MCFD2: variants seen among roughly 807,000 people sequenced by gnomAD.
The protein encoded by MCFD2 is multiple coagulation factor deficiency 2, ER cargo receptor complex subunit, also known as multiple coagulation factor deficiency protein 2.
Under a neutral mutation model 12.8 loss-of-function variants are expected in MCFD2, and 11 were observed. The ratio of observed to expected loss-of-function variants is 0.86; its 90% CI spans 0.54 to 1.42. The LOEUF is 1.42. Among genes scored for constraint, MCFD2 ranks in the 40% most tolerant of loss-of-function variants. The probability of loss-of-function intolerance (pLI) is 0.00; values close to 1 mark genes in which losing one functional copy is unlikely to be tolerated. For missense variants in MCFD2, 191 were observed against 178.6 expected, an observed-to-expected ratio of 1.07 and a Z score of -0.40; for synonymous variants, 70 against 68.1, an observed-to-expected ratio of 1.03 and a Z score of -0.14.
chr2:46,909,269 T>G, intron 1 of MCFD2, 92 bp from the exon 2 acceptor site: 1 of 1,417,416 alleles, frequency 7.1e-7, no homozygotes, highest in South Asian at 1.2e-5. Flanking sequence ...GGAAACCTGA[T>G]GAAGCAGTAA....
Position 46,905,457 on chromosome 2 carries a change from T to A in MCFD2, c.*6A>T. 1 of 1,612,186 alleles carries A rather than the reference T, an allele frequency of 6.2e-7. No homozygotes were observed. Among genetic ancestry groups the A allele is most frequent in the South Asian group, 1.1e-5 (1 of 91,000 alleles). On this transcript the variant is annotated 3_prime_UTR_variant, in exon 4 of 4. Transcript: ENST00000319466. ...TGTATATAACCAGGAGATGGCCAAA[T>A]AACATCTACTGCAGTGATTTTGCAA...
intron 1 of MCFD2, among the ~76,000 whole-genome samples, chr2:46,921,390 A>T (rs140450167): frequency 2.0e-3 from 300 of 152,338 alleles, no homozygotes; most frequent in African/African-American, 6.7e-3. Context: ...AATGCTTAAA[A>T]TACCATTATA....
At position 46,903,027 on chromosome 2, in the gene MCFD2, C is replaced by CA. The variant is rs1668074161; in HGVS notation, c.*2435dup. ...CTGATATGGTTTGGTTGTGTCCCCCCACAAATCTCAACTTGAATTGTATCT... is the reference window on the plus strand; with the variant it reads ...CTGATATGGTTTGGTTGTGTCCCCCCAACAAATCTCAACTTGAATTGTATCT... On this transcript the variant is annotated 3_prime_UTR_variant, in exon 4 of 4. Coordinates refer to ENST00000319466, the MANE Select transcript of MCFD2 (RefSeq NM_139279.6). 6.6e-6 allele frequency: 1 copy of CA among 152,220 alleles called. No homozygotes were observed. Among genetic ancestry groups the CA allele is most frequent in the Non-Finnish European group, 1.5e-5 (1 of 68,042 alleles). 9.4% of individuals were successfully genotyped at this position (152,220 alleles called of 1,614,324 possible).
intron 3 of MCFD2, among the ~76,000 whole-genome samples, chr2:46,906,475 ATTTTTTTTT>A (rs70940646): frequency 5.5e-5 from 5 of 91,702 alleles, no homozygotes; most frequent in South Asian, 9.4e-4. Context: ...AGGCACGAGG[ATTTTTTTTT>A]TTTTTTTTTT....
chr2:46,907,604 C>G lies in MCFD2; in HGVS notation c.309+206G>C. The G allele has an allele frequency of 1.6e-6, 1 of 612,146 alleles. No individual in the cohort carries two copies. The highest frequency in any genetic ancestry group is 2.9e-6 in the Non-Finnish European group (1 of 342,306). 37.9% of individuals were successfully genotyped at this position (612,146 alleles called of 1,614,324 possible). A position where few individuals can be genotyped will look rare whatever the true frequency, so the allele number is the denominator to read the frequency against. ...GTAGAGACAGGGTCTCACTATATTG[C>G]CAAGGCTGGTCTTGAACTCCTGGCT... is the stretch of plus-strand genomic sequence containing the variant. On this transcript the variant is annotated intron_variant, in intron 3 of 3. Transcript: ENST00000319466. The surrounding 1 kb of genome is among the most constrained non-coding windows in gnomAD (Gnocchi z 4.1).
intron 1 of MCFD2, among the ~76,000 whole-genome samples, chr2:46,930,896 G>C (rs1669667033): frequency 6.6e-6 from 1 of 151,910 alleles, no homozygotes. Context: ...GAACTCTTTG[G>C]AGAAAAGAAA....
In MCFD2 at chr2:46,905,288, T is replaced by G; in HGVS notation, c.*175A>C. On this transcript the variant is annotated 3_prime_UTR_variant, in exon 4 of 4. Transcript: ENST00000319466. ...ACTTAGGGACTATTAGATGTCCCAT[T>G]TCTCTTCTCTTTCATTTCTCTTATC... is the stretch of plus-strand genomic sequence containing the variant. 1.4e-6 allele frequency: 1 copy of G among 697,988 alleles called. No individual in the cohort carries two copies. The highest frequency in any genetic ancestry group is 2.8e-5 in the East Asian group (1 of 35,816). The allele number at this position is 697,988 out of a possible 1,614,324, so 43.2% of individuals were successfully genotyped here.
At position 46,908,083 on chromosome 2, in the gene MCFD2, C is replaced by T. The variant is rs1668322121; in HGVS notation, c.150-114G>A. The T allele has an allele frequency of 1.3e-5, 15 of 1,152,714 alleles. No homozygotes were observed. The highest frequency in any genetic ancestry group is 1.8e-5 in the Non-Finnish European group (14 of 790,758). 71.4% of individuals were successfully genotyped at this position (1,152,714 alleles called of 1,614,324 possible). On this transcript the variant is annotated intron_variant, in intron 2 of 3. Coordinates refer to ENST00000319466, the MANE Select transcript of MCFD2 (RefSeq NM_139279.6). This position sits in a 1 kb window ranked among gnomAD's most constrained non-coding sequence, Gnocchi z 4.5. Reference sequence around the variant, plus strand: ...ACTTCCTCCAGCTCAGAAAAACAAACACCAGCAGTGGCAGACCACACTCAA... The same window carrying T: ...ACTTCCTCCAGCTCAGAAAAACAAATACCAGCAGTGGCAGACCACACTCAA...
At chr2:46,938,458 C>G (rs763733817) in intron 1 of MCFD2, among the ~76,000 whole-genome samples, 2 of 152,128 alleles carry the variant, frequency 1.3e-5, no homozygotes, top group Non-Finnish European at 2.9e-5. Flanking sequence ...AGGGGGTATT[C>G]TCTTCTACTT....
intron 1 of MCFD2, 28 bp from the exon 2 acceptor site, chr2:46,909,205 A>G: frequency 1.2e-6 from 2 of 1,605,330 alleles, no homozygotes; most frequent in Non-Finnish European, 1.7e-6. Context: ...CAGAAGAGGA[A>G]GGCAGAGCAT....
At chr2:46,906,212 T>C (rs886710741) in intron 3 of MCFD2, among the ~76,000 whole-genome samples, 12 of 152,182 alleles carry the variant, frequency 7.9e-5, no homozygotes, top group African/African-American at 2.2e-4. Context: ...TATCCTCATC[T>C]GCCAGGACTG....
In MCFD2 at chr2:46,940,555, G is replaced by A. The variant is rs758675683; in HGVS notation, c.-8+1017C>T. 3.3e-5 allele frequency among the ~76,000 whole-genome samples: 5 copies of A among 152,252 alleles called. No homozygotes were observed. Among genetic ancestry groups the A allele is most frequent in the African/African-American group, 4.8e-5 (2 of 41,468 alleles). On this transcript the variant is annotated intron_variant, in intron 1 of 2. Coordinates refer to the MCFD2 transcript ENST00000409147. The surrounding 1 kb of genome is among the most constrained non-coding windows in gnomAD (Gnocchi z 4.7). ...GAGCTTTGATCACAGTCTTAGACCA[G>A]CATGAAGAAATAAATAAATACCAAG... is the stretch of plus-strand genomic sequence containing the variant.
At position 46,928,854 on chromosome 2, in the gene MCFD2, C is replaced by G. The variant is rs1016403592; in HGVS notation, c.-8+12718G>C. ...TACACCAGAGGGGTAGGGGGGGAAG[C>G]TTTAAAAGCCACATTTATTTTGAAA... On this transcript the variant is annotated intron_variant, in intron 1 of 2. Coordinates refer to the MCFD2 transcript ENST00000409147. 2.0e-5 allele frequency among the ~76,000 whole-genome samples: 3 copies of G among 152,180 alleles called. No homozygotes were observed. The South Asian group carries it at 6.2e-4, about 32-fold the overall frequency.
At chr2:46,939,547 C>T (rs536655073) in intron 1 of MCFD2, among the ~76,000 whole-genome samples, 1 of 152,226 alleles carries the variant, frequency 6.6e-6, no homozygotes, top group Non-Finnish European at 1.5e-5. Flanking sequence ...GTGATTCCCT[C>T]TACAGTTAGT....
At chr2:46,938,973 T>C (rs1670115260) in intron 1 of MCFD2, among the ~76,000 whole-genome samples, 2 of 147,128 alleles carry the variant, frequency 1.4e-5, no homozygotes, top group African/African-American at 5.1e-5. Context: ...ATCGTGCCAC[T>C]GCATTCCAGC....
At chr2:46,925,764 T>C (rs1188484221) in intron 1 of MCFD2, among the ~76,000 whole-genome samples, 1 of 152,184 alleles carries the variant, frequency 6.6e-6, no homozygotes, top group East Asian at 1.9e-4. Flanking sequence ...AAAGACCATG[T>C]TAACCCCCGT....
intron 1 of MCFD2, 99 bp from the exon 2 acceptor site, chr2:46,909,276 G>A: frequency 7.3e-7 from 1 of 1,376,626 alleles, no homozygotes; most frequent in Middle Eastern, 1.8e-4. Flanking sequence ...TGATGAAGCA[G>A]TAAGGTTAGG....
Position 46,905,501 on chromosome 2 carries a change from A to G in MCFD2, c.403T>C (p.Tyr135His). The change falls in exon 4 of 4, where the codon TAC becomes CAC. Residue 135 changes from tyrosine to histidine, a missense_variant. Transcript: ENST00000319466. ...TTTGCAAATTCAGCATAGTCAATGT[A>G]TCCATCATTGTTCTTGTCATCATCT... ...LRDDDKNNDG[Y>H]IDYAEFAKSL... is the part of the protein sequence containing the mutation. 1.2e-6 allele frequency: 2 copies of G among 1,613,226 alleles called. No individual in the cohort carries two copies. The highest frequency in any genetic ancestry group is 1.7e-6 in the Non-Finnish European group (2 of 1,179,860).
rs1247610744 is a variant in MCFD2 at position 46,903,794 on chromosome 2, A to G, written c.*1669T>C. 1 of 152,220 alleles carries G rather than the reference A, an allele frequency of 6.6e-6. No homozygotes were observed. The highest frequency in any genetic ancestry group is 1.5e-5 in the Non-Finnish European group (1 of 68,032). The allele number at this position is 152,220 out of a possible 1,614,324, so 9.4% of individuals were successfully genotyped here. ...GCATTCCCTTATAAATAAGGGAAGC[A>G]AAGCATAAAAGTTTGGAAATTTGCA... On this transcript the variant is annotated 3_prime_UTR_variant, in exon 4 of 4. Coordinates refer to ENST00000319466, the MANE Select transcript of MCFD2 (RefSeq NM_139279.6).
Sources: allele counts gnomAD v4.1 joint callset (sites outside exome capture counted in the v4.1 genomes callset), GRCh38; gene constraint gnomAD v4.1.1; non-coding constraint Gnocchi (gnomAD v3.1); transcripts MANE v1.5; gene names NCBI Gene and HGNC (gene_info 2026-07-23, HGNC 2026-07-21).